Variants in DNMT3A observed in about 807,000 individuals in gnomAD.
DNMT3A encodes the protein DNA methyltransferase 3 alpha.
A neutral mutation model predicts 117.6 loss-of-function variants in DNMT3A; 267 were observed. That is an observed-to-expected ratio of 2.27 (90% CI 2.05 to 2.51). The LOEUF is 2.51. Ranked by LOEUF, DNMT3A falls within the 30% of genes most tolerant of loss-of-function variation. The probability of loss-of-function intolerance (pLI) is 0.00; values close to 1 mark genes in which losing one functional copy is unlikely to be tolerated. For missense variants in DNMT3A, 1,029 were observed against 1,260.2 expected (o/e 0.82, Z 2.78); for synonymous variants, 432 against 474.8 (o/e 0.91, Z 1.17).
chr2:25,324,086 G>A (rs2034699784), intron 1 of DNMT3A, among the ~76,000 whole-genome samples: 1 of 152,172 alleles, frequency 6.6e-6, no homozygotes, highest in African/African-American at 2.4e-5. Flanking sequence ...TCTCTCTCCT[G>A]GTCAGGCTTG....
At position 25,303,534 on chromosome 2, in the gene DNMT3A, G is replaced by A. The variant is rs536805343; in HGVS notation, c.73-3291C>T. On this transcript the variant is annotated intron_variant, in intron 2 of 22. Coordinates refer to ENST00000321117, the MANE Select transcript of DNMT3A (RefSeq NM_022552.5). ...AGGTCCTGACAGGTCCAGAGAGGGC[G>A]GGGAGTGCCAGGCAGGGGTGCTGTG... 6.6e-5 allele frequency among the ~76,000 whole-genome samples: 10 copies of A among 152,370 alleles called. No individual in the cohort carries two copies. The South Asian group carries it at 1.9e-3, about 28-fold the overall frequency.
At chr2:25,251,651 C>T (rs1004588874) in intron 6 of DNMT3A, among the ~76,000 whole-genome samples, 2 of 152,216 alleles carry the variant, frequency 1.3e-5, no homozygotes, top group Non-Finnish European at 2.9e-5. Flanking sequence ...AGGCCGGCCC[C>T]CTGTCAGGGT....
chr2:25,259,855 C>T (rs1037176997), intron 6 of DNMT3A, among the ~76,000 whole-genome samples: 9 of 152,316 alleles, frequency 5.9e-5, no homozygotes, highest in Admixed American at 5.2e-4. Flanking sequence ...CAGACAGGCA[C>T]TGCGGTAACT....
chr2:25,281,527 T>TA lies in DNMT3A; in HGVS notation c.448+913dup. 9.4e-7 allele frequency: 1 copy of TA among 1,059,800 alleles called. No homozygotes were observed. The highest frequency in any genetic ancestry group is 1.1e-6 in the Non-Finnish European group (1 of 875,714). 65.6% of individuals were successfully genotyped at this position (1,059,800 alleles called of 1,614,324 possible). ...TAGGTTGGATCCATGCAAAATAAGT[T>TA]ACGCCAATTAATCAATTTACTCATT... On this transcript the variant is annotated intron_variant, in intron 4 of 22. Coordinates refer to ENST00000321117, the MANE Select transcript of DNMT3A (RefSeq NM_022552.5). The surrounding 1 kb of genome is among the most constrained non-coding windows in gnomAD (Gnocchi z 4.8).
intron 1 of DNMT3A, among the ~76,000 whole-genome samples, chr2:25,317,783 T>C (rs892496270): frequency 3.9e-5 from 6 of 152,252 alleles, no homozygotes; most frequent in African/African-American, 1.4e-4. Context: ...TTGCCCAGGC[T>C]GGAGTGCAAT....
rs1014375364 is a variant in DNMT3A, at chr2:25,296,194, A to G, written c.177+3945T>C. Among the ~76,000 whole-genome samples, 1 of 152,296 alleles carries G rather than the reference A, an allele frequency of 6.6e-6. No individual in the cohort carries two copies. The highest frequency in any genetic ancestry group is 1.9e-4 in the East Asian group (1 of 5,190). The stretch of plus-strand genomic sequence containing the variant: ...GGTGGGCTTGGAACTTGTCTTTATC[A>G]GTTCATTTTTATTAACTTTGGAGAC... On this transcript the variant is annotated intron_variant, in intron 3 of 22. Transcript: ENST00000321117. This position sits in a 1 kb window ranked among gnomAD's most constrained non-coding sequence, Gnocchi z 4.2.
intron 16 of DNMT3A, among the ~76,000 whole-genome samples, chr2:25,242,425 T>C (rs952702372): frequency 6.6e-6 from 1 of 152,178 alleles, no homozygotes; most frequent in African/African-American, 2.4e-5. Context: ...GGTACGGCAC[T>C]GTTTCTGCTG....
rs1344381199 is a variant in DNMT3A, at chr2:25,308,985, A to ACACACACACACACACG, written c.72+4912_72+4927dup. ...CAGATGCATACACACACACACACAC[A>ACACACACACACACACG]CACACACACACACACGCACGCACAT... On this transcript the variant is annotated intron_variant, in intron 2 of 22. Transcript: ENST00000321117. 3.9e-3 allele frequency among the ~76,000 whole-genome samples: 595 copies of ACACACACACACACACG among 152,014 alleles called. 6 individuals are homozygous for ACACACACACACACACG. Among genetic ancestry groups the ACACACACACACACACG allele is most frequent in the Admixed American group, 0.024 (370 of 15,260 alleles).
At chr2:25,340,926 CG>C (rs1454324650) in intron 1 of DNMT3A, among the ~76,000 whole-genome samples, 1 of 144,986 alleles carries the variant, frequency 6.9e-6, no homozygotes, top group Non-Finnish European at 1.5e-5. Context: ...GCCGCCACCG[CG>C]GCCGCCCGGG....
At chr2:25,300,717 AT>A (rs1210284591) in intron 2 of DNMT3A, among the ~76,000 whole-genome samples, 45 of 3,876 alleles carry the variant, frequency 0.012, no homozygotes, top group East Asian at 0.094. Context: ...AATATAATAT[AT>A]ATATATATAT....
At chr2:25,333,169 C>T (rs569187711) in intron 1 of DNMT3A, among the ~76,000 whole-genome samples, 1 of 152,280 alleles carries the variant, frequency 6.6e-6, no homozygotes, top group Non-Finnish European at 1.5e-5. Flanking sequence ...ATAACGGAAG[C>T]TAAGGAGGAC....
At chr2:25,241,880 T>G in intron 16 of DNMT3A, 173 bp from the exon 17 acceptor site, 1 of 806,058 alleles carries the variant, frequency 1.2e-6, no homozygotes, top group Non-Finnish European at 1.9e-6. Flanking sequence ...GTATCCATAG[T>G]AAGGACATCG....
chr2:25,319,647 G>A (rs931137564), intron 1 of DNMT3A, among the ~76,000 whole-genome samples: 1 of 152,212 alleles, frequency 6.6e-6, no homozygotes, highest in Non-Finnish European at 1.5e-5. Context: ...ACTGGGGCAC[G>A]AGTGCCGTCA....
Position 25,244,559 on chromosome 2 carries a change from C to G in DNMT3A, c.1648G>C (p.Gly550Arg). ...CCTCACCTGCAGCAGTTGTTGTTTC[C>G]GCACATGAGCACCTCACGGCCCCCA... Reference protein sequence around the residue: ...CCGGREVLMCGNNNCCRCFCV... With the variant: ...CCGGREVLMCRNNNCCRCFCV... The change falls in exon 14 of 23, where the codon GGA (glycine) becomes CGA (arginine). Residue 550 changes from glycine to arginine, a missense_variant. By Grantham distance (125) the Gly-to-Arg change is moderately radical. Coordinates refer to ENST00000321117, the MANE Select transcript of DNMT3A (RefSeq NM_022552.5). The G allele has an allele frequency of 6.2e-7, 1 of 1,614,154 alleles. No individual in the cohort carries two copies. The highest frequency in any genetic ancestry group is 8.5e-7 in the Non-Finnish European group (1 of 1,179,992).
intron 3 of DNMT3A, among the ~76,000 whole-genome samples, chr2:25,295,820 G>A (rs946343111): frequency 2.2e-4 from 33 of 152,296 alleles, no homozygotes; most frequent in African/African-American, 7.5e-4. Flanking sequence ...CCTGTAAAAC[G>A]CCTTTGTAGG....
chr2:25,237,358 G>A lies in DNMT3A; in HGVS notation c.2409-353C>T, dbSNP rs1042967459. 2.0e-5 allele frequency among the ~76,000 whole-genome samples: 3 copies of A among 152,230 alleles called. No homozygotes were observed. The highest frequency in any genetic ancestry group is 2.4e-5 in the African/African-American group (1 of 41,464). On this transcript the variant is annotated intron_variant, in intron 20 of 22. Transcript: ENST00000321117. This position sits in a 1 kb window ranked among gnomAD's most constrained non-coding sequence, Gnocchi z 5.4. ...CACTGAGCTTTAAGCGTCCCACTGC[G>A]AAGCAAGCTTTGGGGGTGACAATGT...
chr2:25,314,432 C>T (rs567080966), intron 1 of DNMT3A: 311 of 985,314 alleles, frequency 3.2e-4, no homozygotes, highest in Non-Finnish European at 3.7e-4. Flanking sequence ...CAGCTGCCTC[C>T]GCCTCCTCCC....
rs1030050866 is a variant in DNMT3A at position 25,341,861 on chromosome 2, C to G, written c.-213G>C. 1 of 979,872 alleles carries G rather than the reference C, an allele frequency of 1.0e-6. No homozygotes were observed. The highest frequency in any genetic ancestry group is 1.8e-5 in the African/African-American group (1 of 56,364). The allele number at this position is 979,872 out of a possible 1,614,324, so 60.7% of individuals were successfully genotyped here. On this transcript the variant is annotated 5_prime_UTR_variant, in exon 1 of 23. Transcript: ENST00000321117. ...GTGGGGTCGGGCCGGCCCGGCTGCG[C>G]GCCCTGGTGCCGCGGCGCCGCGTCC...
rs1673828058 is a variant in DNMT3A, at chr2:25,240,309, A to G, written c.2315T>C (p.Phe772Ser). The change falls in exon 19 of 23, where the codon TTT (phenylalanine) becomes TCT (serine). Residue 772 changes from phenylalanine (F) to serine (S), a missense_variant. Coordinates refer to ENST00000321117, the MANE Select transcript of DNMT3A (RefSeq NM_022552.5). ...GVSDKRDISR[F>S]LESNPVMIDA... ...CAAGGTTGCTGGCTATACCTCGAGA[A>G]ATCGCGAGATGTCCCTCTTGTCACT... The G allele has an allele frequency of 6.2e-7, 1 of 1,614,192 alleles. No individual in the cohort carries two copies. The highest frequency in any genetic ancestry group is 8.5e-7 in the Non-Finnish European group (1 of 1,180,028).
Sources: gnomAD v4.1 joint callset for allele counts (sites outside exome capture counted in the v4.1 genomes callset) on GRCh38, gnomAD v4.1.1 for gene constraint, Gnocchi (gnomAD v3.1) non-coding constraint, MANE v1.5 for transcripts, NCBI Gene and HGNC (gene_info 2026-07-23, HGNC 2026-07-21) for gene names.